The following ATG14 variants were observed in gnomAD, a reference collection of about 807,000 sequenced individuals.
ATG14 encodes beclin 1-associated autophagy-related key regulator.
In ATG14, 35 loss-of-function variants were observed where a neutral mutation model predicts 60.4. The ratio of observed to expected loss-of-function variants is 0.58; its 90% confidence interval spans 0.44 to 0.77. The LOEUF (loss-of-function observed/expected upper bound fraction) is 0.77. ATG14 is among the 30% of genes least tolerant of loss of function. The pLI, the probability that ATG14 is intolerant of heterozygous loss-of-function variation, is 0.00. For synonymous variants in ATG14, 234 were observed against 228.8 expected (o/e 1.02, Z -0.21); for missense variants, 647 against 626.3 (o/e 1.03, Z -0.35).
Position 55,381,809 on chromosome 14 carries a change from T to C in ATG14, c.877+153A>G, listed in dbSNP as rs1885038377. ...GGGTTTCTGTCTGGGGTGATCAAAA[T>C]GTTTTGAAATGACATGGAGGTGATG... On this transcript the variant is annotated intron_variant, in intron 6 of 9. Transcript: ENST00000247178. Among the ~76,000 whole-genome samples the C allele has an allele frequency of 3.3e-5, 5 of 152,194 alleles. No individual in the cohort carries two copies. The South Asian group carries it at 1.0e-3, about 31-fold the overall frequency.
At chr14:55,379,391 A>T (rs545074498) in intron 7 of ATG14, among the ~76,000 whole-genome samples, 1 of 151,874 alleles carries the variant, frequency 6.6e-6, no homozygotes, top group South Asian at 2.1e-4. Context: ...TACAAAAAAA[A>T]ATTAGCCAGG....
chr14:55,397,943 CTTT>C (rs928087584), intron 1 of ATG14, among the ~76,000 whole-genome samples: 11 of 105,538 alleles, frequency 1.0e-4, no homozygotes, highest in South Asian at 6.6e-4. Flanking sequence ...TGCAGTAATT[CTTT>C]TTTTTTTTTT....
At chr14:55,409,534 A>G (rs1023660858) in intron 1 of ATG14, among the ~76,000 whole-genome samples, 10 of 151,486 alleles carry the variant, frequency 6.6e-5, no homozygotes, top group African/African-American at 2.2e-4. Flanking sequence ...GAAGGATCAG[A>G]AAGAGTCTAA....
At position 55,411,653 on chromosome 14, in the gene ATG14, T is replaced by G; in HGVS notation, c.170A>C (p.Lys57Thr). The G allele has an allele frequency of 1.2e-6, 2 of 1,613,468 alleles. No individual in the cohort carries two copies. Among genetic ancestry groups the G allele is most frequent in the Non-Finnish European group, 1.7e-6 (2 of 1,179,916 alleles). The change falls in exon 1 of 10, where the codon AAA becomes ACA. Residue 57 changes from lysine to threonine, a missense_variant. Lys to Thr is a moderately conservative substitution (Grantham distance 78). Coordinates refer to ENST00000247178, the MANE Select transcript of ATG14 (RefSeq NM_014924.5). Reference protein sequence around the residue: ...NTTRRRLTCAKCVQSGDFVYF... With the variant: ...NTTRRRLTCATCVQSGDFVYF... The stretch of plus-strand genomic sequence containing the variant: ...GACGAAATCGCCGCTCTGAACGCAT[T>G]TGGCGCAGGTCAGCCGCCGGCGGGT...
Position 55,369,428 on chromosome 14 carries a change from C to G in ATG14, c.*191G>C, listed in dbSNP as rs1884760323. On this transcript the variant is annotated 3_prime_UTR_variant, in exon 10 of 10. Coordinates refer to ENST00000247178, the MANE Select transcript of ATG14 (RefSeq NM_014924.5). ...CCCCTGTTCTCTTAATTATCATAAG[C>G]ATGTTGGTCACCATCACAGGCCACT... The G allele has an allele frequency of 2.1e-6, 1 of 478,440 alleles. No individual in the cohort carries two copies. Among genetic ancestry groups the G allele is most frequent in the Admixed American group, 3.8e-5 (1 of 26,666 alleles). The allele number at this position is 478,440 out of a possible 1,614,324, so 29.6% of individuals were successfully genotyped here.
chr14:55,397,943 C>CTTTTTT (rs928087584), intron 1 of ATG14, among the ~76,000 whole-genome samples: 34 of 105,510 alleles, frequency 3.2e-4, no homozygotes, highest in East Asian at 8.7e-4. Flanking sequence ...TGCAGTAATT[C>CTTTTTT]TTTTTTTTTT....
chr14:55,404,844 T>C (rs1885464239), intron 1 of ATG14, among the ~76,000 whole-genome samples: 1 of 152,322 alleles, frequency 6.6e-6, no homozygotes, highest in South Asian at 2.1e-4. Flanking sequence ...TTAAGATTAG[T>C]ATAACCCAGG....
At position 55,369,639 on chromosome 14, in the gene ATG14, C is replaced by T; in HGVS notation, c.1459G>A (p.Ala487Thr). 6.5e-7 allele frequency: 1 copy of T among 1,535,980 alleles called. No individual in the cohort carries two copies. The highest frequency in any genetic ancestry group is 2.3e-5 in the East Asian group (1 of 44,100). Residue 487 changes from alanine (A) to threonine (T), a missense_variant, in exon 10 of 10, where the codon GCT becomes ACT. By Grantham distance (58) the Ala-to-Thr change is moderately conservative. Transcript: ENST00000247178. ...AAASVTSWFK[A>T]YTGHR ...GCTCGTTAACGGTGTCCAGTGTAAG[C>T]TTTAAACCAGGAGGTCACCGAGGCT... is the stretch of plus-strand genomic sequence containing the variant.
intron 6 of ATG14, among the ~76,000 whole-genome samples, chr14:55,381,188 C>T (rs925212584): frequency 2.0e-5 from 3 of 152,098 alleles, no homozygotes; most frequent in African/African-American, 7.2e-5. Context: ...AAAGGGCCAC[C>T]TCTGTCTTGG....
At chr14:55,393,572 G>T (rs1312225561) in intron 3 of ATG14, among the ~76,000 whole-genome samples, 13 of 149,964 alleles carry the variant, frequency 8.7e-5, no homozygotes, top group Admixed American at 4.6e-4. Flanking sequence ...TTGAGTCAGG[G>T]TCTCACTCTG....
intron 1 of ATG14, among the ~76,000 whole-genome samples, chr14:55,407,466 T>C (rs61031786): frequency 0.013 from 1,909 of 152,270 alleles, 53 homozygotes; most frequent in African/African-American, 0.044. Flanking sequence ...GGTTTCATCA[T>C]GTTGGCCAGG....
At chr14:55,391,960 A>G (rs751721632) in intron 3 of ATG14, among the ~76,000 whole-genome samples, 3 of 152,220 alleles carry the variant, frequency 2.0e-5, no homozygotes, top group Non-Finnish European at 4.4e-5. Context: ...TTGACTCTTT[A>G]TATTACCAGG....
At chr14:55,404,443 C>T (rs1415613294) in intron 1 of ATG14, among the ~76,000 whole-genome samples, 1 of 152,226 alleles carries the variant, frequency 6.6e-6, no homozygotes, top group Non-Finnish European at 1.5e-5. Flanking sequence ...CAATTTCCAT[C>T]ATCACGTCAA....
rs140154979 is a variant in ATG14, at chr14:55,411,685, G to A, written c.138C>T (p.Cys46=). ...LYVAVERCPL[C]NTTRRRLTCA... ...AGGTCAGCCGCCGGCGGGTAGTGTT[G>A]CACAGCGGGCAGCGCTCCACAGCCA... Residue 46 remains cysteine (C), a synonymous_variant, in exon 1 of 10, where the codon TGC becomes TGT. Coordinates refer to ENST00000247178, the MANE Select transcript of ATG14 (RefSeq NM_014924.5). 1.2e-5 allele frequency: 20 copies of A among 1,613,068 alleles called. No homozygotes were observed. The highest frequency in any genetic ancestry group is 2.7e-5 in the African/African-American group (2 of 74,934).
At chr14:55,406,828 ATTTC>A (rs1885499006) in intron 1 of ATG14, among the ~76,000 whole-genome samples, 1 of 152,096 alleles carries the variant, frequency 6.6e-6, no homozygotes. Flanking sequence ...GAACCCTAAA[ATTTC>A]TTTTTTATTC....
chr14:55,382,740 G>A (rs921459252), intron 5 of ATG14, among the ~76,000 whole-genome samples: 2 of 152,154 alleles, frequency 1.3e-5, no homozygotes, highest in Admixed American at 6.5e-5. Context: ...CACAATGTGA[G>A]GAAGACGGAA....
chr14:55,367,878 A>C lies in ATG14; in HGVS notation c.*1741T>G, dbSNP rs901383877. On this transcript the variant is annotated 3_prime_UTR_variant, in exon 10 of 10. Transcript: ENST00000247178. The stretch of plus-strand genomic sequence containing the variant: ...GCAACTCTACCCAAAACTATACAAA[A>C]CACCAAATATACCATTAGCAAAAGC... The C allele has an allele frequency of 2.0e-5, 3 of 152,422 alleles. No individual in the cohort carries two copies. Among genetic ancestry groups the C allele is most frequent in the African/African-American group, 7.2e-5 (3 of 41,450 alleles). 9.4% of individuals were successfully genotyped at this position (152,422 alleles called of 1,614,324 possible).
chr14:55,406,597 A>C (rs999655593), intron 1 of ATG14, among the ~76,000 whole-genome samples: 1 of 152,240 alleles, frequency 6.6e-6, no homozygotes, highest in South Asian at 2.1e-4. Flanking sequence ...TTTTGTGCAC[A>C]TAACAGTGCC....
At chr14:55,396,206 T>A (rs1417083572) in intron 2 of ATG14, among the ~76,000 whole-genome samples, 1 of 152,224 alleles carries the variant, frequency 6.6e-6, no homozygotes, top group Non-Finnish European at 1.5e-5. Flanking sequence ...TCTACAAATG[T>A]CCACAATAAA....
Sources: allele counts gnomAD v4.1 joint callset (sites outside exome capture counted in the v4.1 genomes callset), GRCh38; gene constraint gnomAD v4.1.1; transcripts MANE v1.5; gene names NCBI Gene and HGNC (gene_info 2026-07-23, HGNC 2026-07-21).